The following MYO5C variants were observed in gnomAD, a reference collection of about 807,000 sequenced individuals.
MYO5C encodes unconventional myosin-Vc.
A neutral mutation model predicts 235.7 loss-of-function variants in MYO5C; 194 were observed. The observed-to-expected ratio is 0.82, with a 90% CI of 0.73 to 0.93. MYO5C has a LOEUF of 0.93. Ranked by LOEUF, MYO5C falls within the 40% of genes least tolerant of loss-of-function variation. The pLI is 0.00. For synonymous variants in MYO5C, 707 were observed against 754.8 expected, an observed-to-expected ratio of 0.94 and a Z score of 1.04; for missense variants, 2,038 against 2,127.2, an observed-to-expected ratio of 0.96 and a Z score of 0.82.
chr15:52,241,067 C>T (rs558173043), intron 20 of MYO5C, among the ~76,000 whole-genome samples: 178 of 152,254 alleles, frequency 1.2e-3, no homozygotes, highest in Middle Eastern at 3.4e-3. Flanking sequence ...AAGCTGCTGC[C>T]TCTAAAAGAG....
At position 52,218,984 on chromosome 15, in the gene MYO5C, C is replaced by T. The variant is rs373882786; in HGVS notation, c.3786-297G>A. Among the ~76,000 whole-genome samples the T allele has an allele frequency of 2.9e-4, 44 of 152,300 alleles. No homozygotes were observed. In the East Asian group the frequency reaches 3.3e-3, roughly 11 times the overall value. The stretch of plus-strand genomic sequence containing the variant: ...CCATGGGACATCCACGCCCACCATA[C>T]GCTGTGACAGCTAAGCAGTCATCCC... On this transcript the variant is annotated intron_variant, in intron 31 of 40. Transcript: ENST00000261839.
At chr15:52,229,081 G>T in intron 25 of MYO5C, 52 bp downstream of exon 25, 1 of 1,597,662 alleles carries the variant, frequency 6.3e-7, no homozygotes, top group Non-Finnish European at 8.5e-7. Flanking sequence ...ACTTGGAATT[G>T]CAATCAAATG....
At chr15:52,295,461 G>T in intron 1 of MYO5C, 149 bp downstream of exon 1, 1 of 868,940 alleles carries the variant, frequency 1.2e-6, no homozygotes, top group Non-Finnish European at 1.6e-6. Flanking sequence ...GCCCCTCCGC[G>T]GCGCCTCCGC....
chr15:52,195,225 A>T, intron 40 of MYO5C, 152 bp downstream of exon 40: 1 of 544,368 alleles, frequency 1.8e-6, no homozygotes, highest in Non-Finnish European at 3.1e-6. Flanking sequence ...TTCACAGGAA[A>T]ATTTCCTGCT....
intron 13 of MYO5C, among the ~76,000 whole-genome samples, chr15:52,250,823 T>G (rs1398320792): frequency 6.6e-6 from 1 of 152,222 alleles, no homozygotes; most frequent in Non-Finnish European, 1.5e-5. Context: ...GGGCAGGTGG[T>G]TATGGCAATT....
At chr15:52,210,119 G>A (rs540839839) in intron 35 of MYO5C, among the ~76,000 whole-genome samples, 1 of 151,776 alleles carries the variant, frequency 6.6e-6, no homozygotes, top group African/African-American at 2.4e-5. Context: ...ACACACCACC[G>A]CACCTGGCCA....
rs748552473 is a variant in MYO5C at position 52,261,112 on chromosome 15, G to A, written c.1063C>T (p.Leu355=). 6 of 1,613,912 alleles carry A rather than the reference G, an allele frequency of 3.7e-6. No homozygotes were observed. The African/African-American group carries it at 8.0e-5, about 22-fold the overall frequency. The change falls in exon 10 of 41, where the codon CTG becomes TTG. Residue 355 remains leucine (L), a synonymous_variant. Coordinates refer to ENST00000261839, the MANE Select transcript of MYO5C (RefSeq NM_018728.4). ...RSSVSEDDSH[L]KVFCELLGLE... is the part of the protein sequence containing the mutation. ...CCCAGGAGCTCACAGAACACCTTCA[G>A]GTGACTGTCATCCTCCTTCAAAAAC...
intron 24 of MYO5C, among the ~76,000 whole-genome samples, chr15:52,229,923 A>AC (rs930802301): frequency 2.0e-5 from 3 of 151,700 alleles, no homozygotes; most frequent in Admixed American, 2.0e-4. Context: ...TGTATTCCCA[A>AC]CCCCCCGGGT....
chr15:52,199,273 C>T (rs1211405450), intron 38 of MYO5C, among the ~76,000 whole-genome samples: 6 of 152,178 alleles, frequency 3.9e-5, no homozygotes, highest in South Asian at 2.1e-4. Flanking sequence ...AATACTGCCA[C>T]AGTCCTTTCT....
intron 25 of MYO5C, among the ~76,000 whole-genome samples, chr15:52,227,217 C>T (rs1439248030): frequency 3.5e-5 from 4 of 114,798 alleles, no homozygotes; most frequent in African/African-American, 1.0e-4. Flanking sequence ...TTTGTTGAGA[C>T]GGAGTCTCAC....
At chr15:52,287,705 G>A (rs925989609) in intron 1 of MYO5C, among the ~76,000 whole-genome samples, 1 of 152,132 alleles carries the variant, frequency 6.6e-6, no homozygotes, top group Non-Finnish European at 1.5e-5. Flanking sequence ...GGCCAGGCGC[G>A]GTGGCTCACG....
chr15:52,196,583 AC>A, intron 38 of MYO5C, 100 bp from the exon 39 acceptor site: 1 of 1,113,210 alleles, frequency 9.0e-7, no homozygotes, highest in Non-Finnish European at 1.3e-6. Context: ...GATCCTTAAG[AC>A]CACAGCTCAG....
At chr15:52,267,078 G>A (rs983737889) in intron 8 of MYO5C, among the ~76,000 whole-genome samples, 3 of 152,194 alleles carry the variant, frequency 2.0e-5, no homozygotes, top group African/African-American at 4.8e-5. Context: ...CTCTCGTCTC[G>A]TCCCAGTCTT....
At chr15:52,224,402 A>C (rs1478463712) in intron 28 of MYO5C, among the ~76,000 whole-genome samples, 1 of 152,194 alleles carries the variant, frequency 6.6e-6, no homozygotes, top group Non-Finnish European at 1.5e-5. Flanking sequence ...TAAACTATAG[A>C]CTTGAGGTGA....
At chr15:52,227,723 T>A (rs1229093178) in intron 25 of MYO5C, among the ~76,000 whole-genome samples, 1 of 152,068 alleles carries the variant, frequency 6.6e-6, no homozygotes, top group Admixed American at 6.6e-5. Context: ...AAGTGACCCT[T>A]CCTGATCATG....
chr15:52,200,363 T>G (rs1001906281), intron 38 of MYO5C, among the ~76,000 whole-genome samples: 18 of 151,776 alleles, frequency 1.2e-4, no homozygotes, highest in African/African-American at 4.4e-4. Context: ...AGATCAGGAG[T>G]TCGAGACCAG....
chr15:52,247,255 G>C (rs2036368886), intron 15 of MYO5C, among the ~76,000 whole-genome samples: 1 of 152,210 alleles, frequency 6.6e-6, no homozygotes. Context: ...TATTGTGCAA[G>C]AGCGTGGTTT....
chr15:52,240,754 T>A (rs972117764), intron 20 of MYO5C, among the ~76,000 whole-genome samples: 7 of 151,730 alleles, frequency 4.6e-5, no homozygotes, highest in South Asian at 2.1e-4. Context: ...ATAAATAAAA[T>A]GTTTTAAAAG....
chr15:52,244,975 T>A (rs1438896961), intron 18 of MYO5C, among the ~76,000 whole-genome samples: 1 of 152,208 alleles, frequency 6.6e-6, no homozygotes, highest in Non-Finnish European at 1.5e-5. Flanking sequence ...CTCTTTCCCA[T>A]CACAACTCAT....
Sources: gnomAD v4.1 joint callset for allele counts (sites outside exome capture counted in the v4.1 genomes callset) on GRCh38, gnomAD v4.1.1 for gene constraint, MANE v1.5 for transcripts, NCBI Gene and HGNC (gene_info 2026-07-23, HGNC 2026-07-21) for gene names.